Variants in ZPR1 observed in about 807,000 individuals in gnomAD.
The protein encoded by ZPR1 is ZPR1 zinc finger.
A neutral mutation model predicts 59.6 loss-of-function variants in ZPR1; 37 were observed. The observed-to-expected ratio is 0.62, with a 90% CI of 0.48 to 0.82. The LOEUF is 0.82. ZPR1 is among the 40% of genes least tolerant of loss of function. ZPR1 has a pLI of 0.00. For synonymous variants in ZPR1, 191 were observed against 215.2 expected (o/e 0.89, Z 0.99); for missense variants, 527 against 579.9 (o/e 0.91, Z 0.94).
rs113271699 is a variant in ZPR1 at position 116,779,855 on chromosome 11, C to A, written c.1180-18G>T. The A allele has an allele frequency of 0.013, 18,676 of 1,484,804 alleles. 155 individuals carry two copies. The highest frequency in any genetic ancestry group is 0.015 in the Non-Finnish European group (16,034 of 1,102,252). The allele number at this position is 1,484,804 out of a possible 1,614,324, so 92.0% of individuals were successfully genotyped here. On this transcript the variant is annotated intron_variant, in intron 12 of 13. Coordinates refer to ENST00000227322, the MANE Select transcript of ZPR1 (RefSeq NM_003904.5). ...TCGATGATCTAAAGGAGAGAGAGAA[C>A]ACAGCAAGTAAATTTTACATAACCC...
At chr11:116,781,522 T>C (rs1278539412) in intron 12 of ZPR1, among the ~76,000 whole-genome samples, 1 of 152,232 alleles carries the variant, frequency 6.6e-6, no homozygotes, top group Non-Finnish European at 1.5e-5. Flanking sequence ...TTCGAAATTC[T>C]GATAAAAAAT....
In ZPR1 at chr11:116,779,831, C is replaced by T. The variant is rs748309602; in HGVS notation, c.1186G>A (p.Glu396Lys). The T allele has an allele frequency of 1.9e-5, 29 of 1,539,418 alleles. No individual in the cohort carries two copies. The highest frequency in any genetic ancestry group is 3.6e-5 in the Admixed American group (2 of 55,274). The change falls in exon 13 of 14, where the codon GAA becomes AAA. Residue 396 changes from glutamate to lysine, a missense_variant. Transcript: ENST00000227322. ...ATAAAGTGGGCCTTCATGTTACCTT[C>T]GATGATCTAAAGGAGAGAGAGAACA... Reference protein sequence around the residue: ...EFSQKMDQIIEGNMKAHFIMD... With the variant: ...EFSQKMDQIIKGNMKAHFIMD...
Position 116,786,686 on chromosome 11 carries a change from C to A in ZPR1, c.425-105G>T, listed in dbSNP as rs893780437. ...CTTGAACTCTCTGGGTCTTAATTTCCTCATCTGTAAAATGAGAAGGCCAGG... is the reference window on the plus strand; with the variant it reads ...CTTGAACTCTCTGGGTCTTAATTTCATCATCTGTAAAATGAGAAGGCCAGG... On this transcript the variant is annotated intron_variant, in intron 3 of 13. Transcript: ENST00000227322. 4.0e-6 allele frequency: 4 copies of A among 997,974 alleles called. No homozygotes were observed. In the African/African-American group the frequency reaches 6.4e-5, roughly 16 times the overall value. 61.8% of individuals were successfully genotyped at this position (997,974 alleles called of 1,614,324 possible).
chr11:116,780,699 G>A (rs927232394), intron 12 of ZPR1, among the ~76,000 whole-genome samples: 13 of 152,080 alleles, frequency 8.5e-5, no homozygotes, highest in Admixed American at 2.0e-4. Flanking sequence ...GGCATTGGAG[G>A]CCACCTCAGC....
chr11:116,785,536 T>A lies in ZPR1; in HGVS notation c.683A>T (p.Gln228Leu). 1 of 1,614,144 alleles carries A rather than the reference T, an allele frequency of 6.2e-7. No individual in the cohort carries two copies. The highest frequency in any genetic ancestry group is 8.5e-7 in the Non-Finnish European group (1 of 1,180,018). The change falls in exon 6 of 14, where the codon CAG becomes CTG. Residue 228 changes from glutamine (Q) to leucine (L), a missense_variant. By Grantham distance (113) the Gln-to-Leu change is moderately radical. Coordinates refer to ENST00000227322, the MANE Select transcript of ZPR1 (RefSeq NM_003904.5). ...VITHYNRTRQ[Q>L]EEMLGLQEEA... is the part of the protein sequence containing the mutation. ...TACTTGAAGCCCCAGCATCTCTTCCTGCTGTCGGGTCCGGTTGTAGTGTGT... is the reference window on the plus strand; with the variant it reads ...TACTTGAAGCCCCAGCATCTCTTCCAGCTGTCGGGTCCGGTTGTAGTGTGT...
intron 9 of ZPR1, among the ~76,000 whole-genome samples, chr11:116,784,020 T>G (rs1940849570): frequency 6.6e-6 from 1 of 152,206 alleles, no homozygotes; most frequent in Admixed American, 6.5e-5. Context: ...GGGAAGGGAA[T>G]TTATAATTCT....
chr11:116,783,078 C>T, intron 10 of ZPR1, 49 bp from the exon 11 acceptor site: 1 of 1,452,998 alleles, frequency 6.9e-7, no homozygotes, highest in Non-Finnish European at 9.7e-7. Flanking sequence ...GCAAAGAAAG[C>T]CAACCAGAGG....
Position 116,778,921 on chromosome 11 carries a change from A to G in ZPR1, c.*4T>C. 5 of 1,613,454 alleles carry G rather than the reference A, an allele frequency of 3.1e-6. No homozygotes were observed. Among genetic ancestry groups the G allele is most frequent in the Non-Finnish European group, 4.2e-6 (5 of 1,179,964 alleles). ...CTGGAGGCTGGCCCTTGAGCCACCC[A>G]CTGCTACCGTTGCGGAGCCAGGCCT... On this transcript the variant is annotated 3_prime_UTR_variant, in exon 14 of 14. Coordinates refer to ENST00000227322, the MANE Select transcript of ZPR1 (RefSeq NM_003904.5).
intron 2 of ZPR1, 99 bp downstream of exon 2, chr11:116,787,383 G>T: frequency 7.9e-7 from 1 of 1,260,622 alleles, no homozygotes. Context: ...GGAGACATAG[G>T]GGGATTTATT....
rs1940756266 is a variant in ZPR1 at position 116,778,781 on chromosome 11, A to T, written c.*144T>A. ...CACAAGCTGTTTAGAAAGTGTGCAC[A>T]GATCTCTGACTCAGACCAGATGTCC... is the stretch of plus-strand genomic sequence containing the variant. On this transcript the variant is annotated 3_prime_UTR_variant, in exon 14 of 14. Coordinates refer to ENST00000227322, the MANE Select transcript of ZPR1 (RefSeq NM_003904.5). 2.0e-6 allele frequency: 2 copies of T among 1,018,458 alleles called. No homozygotes were observed. Among genetic ancestry groups the T allele is most frequent in the South Asian group, 3.4e-5 (2 of 59,654 alleles). The allele number at this position is 1,018,458 out of a possible 1,614,324, so 63.1% of individuals were successfully genotyped here. A position where few individuals can be genotyped will look rare whatever the true frequency, so the allele number is the denominator to read the frequency against.
chr11:116,786,587 G>T lies in ZPR1; in HGVS notation c.425-6C>A. 6.8e-6 allele frequency: 11 copies of T among 1,613,714 alleles called. No individual in the cohort carries two copies. Among genetic ancestry groups the T allele is most frequent in the Non-Finnish European group, 9.3e-6 (11 of 1,179,678 alleles). On this transcript the variant is annotated splice_polypyrimidine_tract_variant and splice_region_variant and intron_variant, in intron 3 of 13. Coordinates refer to ENST00000227322, the MANE Select transcript of ZPR1 (RefSeq NM_003904.5). Reference sequence around the variant, plus strand: ...TCCTTCAACAGTGGTCAGAGCTTGTGAACAAGAACAAAAGACAAGTGTGAC... The same window carrying T: ...TCCTTCAACAGTGGTCAGAGCTTGTTAACAAGAACAAAAGACAAGTGTGAC...
chr11:116,785,717 C>A, intron 5 of ZPR1, 79 bp downstream of exon 5: 1 of 1,612,062 alleles, frequency 6.2e-7, no homozygotes, highest in Non-Finnish European at 8.5e-7. Context: ...ACCACGCAGG[C>A]ATCACAGTGG....
chr11:116,784,319 T>C, intron 9 of ZPR1, 59 bp downstream of exon 9: 2 of 1,564,264 alleles, frequency 1.3e-6, no homozygotes, highest in Non-Finnish European at 1.8e-6. Flanking sequence ...GGAAGAATGA[T>C]AGTTAAAAGG....
At position 116,785,542 on chromosome 11, in the gene ZPR1, C is replaced by T. The variant is rs181857790; in HGVS notation, c.677G>A (p.Arg226Gln). The T allele has an allele frequency of 6.1e-4, 988 of 1,614,112 alleles. 2 individuals carry two copies. Among genetic ancestry groups the T allele is most frequent in the Middle Eastern group, 4.1e-3 (25 of 6,058 alleles). Residue 226 changes from arginine (R) to glutamine (Q), a missense_variant, in exon 6 of 14, where the codon CGA becomes CAA. Arg to Gln is a conservative substitution (Grantham distance 43). Transcript: ENST00000227322. ...ALVITHYNRT[R>Q]QQEEMLGLQE... ...AAGCCCCAGCATCTCTTCCTGCTGT[C>T]GGGTCCGGTTGTAGTGTGTGATCAC...
In ZPR1 at chr11:116,773,860, C is replaced by T. The variant is rs1190899025; in HGVS notation, c.*5065G>A. ...GGGTTTAGAGCTTTACCTGAATTAT[C>T]TCATTTAACCCTCACAATTCTCAAA... On this transcript the variant is annotated 3_prime_UTR_variant, in exon 14 of 14. Transcript: ENST00000227322. 1 of 152,186 alleles carries T rather than the reference C, an allele frequency of 6.6e-6. No homozygotes were observed. The highest frequency in any genetic ancestry group is 1.5e-5 in the Non-Finnish European group (1 of 68,036). The allele number at this position is 152,186 out of a possible 1,614,324, so 9.4% of individuals were successfully genotyped here.
rs1186036289 is a variant in ZPR1 at position 116,778,575 on chromosome 11, A to T, written c.*350T>A. ...AACAACAAACTCCAGGTGTAACTTT[A>T]TTCCACCTTCTCCAACTTCAGAGTT... On this transcript the variant is annotated 3_prime_UTR_variant, in exon 14 of 14. Coordinates refer to ENST00000227322, the MANE Select transcript of ZPR1 (RefSeq NM_003904.5). 1 of 214,074 alleles carries T rather than the reference A, an allele frequency of 4.7e-6. No individual in the cohort carries two copies. Among genetic ancestry groups the T allele is most frequent in the Non-Finnish European group, 9.4e-6 (1 of 106,738 alleles). 13.3% of individuals were successfully genotyped at this position (214,074 alleles called of 1,614,324 possible).
At chr11:116,785,450 C>T in intron 6 of ZPR1, 64 bp downstream of exon 6, 1 of 1,589,050 alleles carries the variant, frequency 6.3e-7, no homozygotes, top group Non-Finnish European at 8.5e-7. Context: ...GTTCCACTGA[C>T]TCCAAGCAAT....
At chr11:116,785,247 G>C in intron 6 of ZPR1, 101 bp from the exon 7 acceptor site, 2 of 1,319,468 alleles carry the variant, frequency 1.5e-6, no homozygotes, top group African/African-American at 2.9e-5. Context: ...CACCTCATCA[G>C]TTATGTCAGG....
rs1282415318 is a variant in ZPR1, at chr11:116,783,525, GT to G, written c.981+4del. Reference sequence around the variant, plus strand: ...CAACAGTGACTTTCCCAAGCAGACTGTTACCTTGAGGAGGTCTCTGGTCATA... The same window carrying G: ...CAACAGTGACTTTCCCAAGCAGACTGTACCTTGAGGAGGTCTCTGGTCATA... On this transcript the variant is annotated splice_donor_region_variant and intron_variant, in intron 10 of 13. Transcript: ENST00000227322. 14 of 1,612,312 alleles carry G rather than the reference GT, an allele frequency of 8.7e-6. No homozygotes were observed. The highest frequency in any genetic ancestry group is 1.2e-5 in the Non-Finnish European group (14 of 1,178,358).
Sources: allele counts gnomAD v4.1 joint callset (sites outside exome capture counted in the v4.1 genomes callset), GRCh38; gene constraint gnomAD v4.1.1; transcripts MANE v1.5; gene names NCBI Gene and HGNC (gene_info 2026-07-23, HGNC 2026-07-21).